The following ADCY9 variants were observed in gnomAD, a reference collection of about 807,000 sequenced individuals.
ADCY9 encodes adenylate cyclase 9, also known as adenylate cyclase type 9.
A neutral mutation model predicts 101.5 loss-of-function variants in ADCY9; 50 were observed. That is an observed-to-expected ratio of 0.49 (90% confidence interval 0.39 to 0.62). The LOEUF (loss-of-function observed/expected upper bound fraction) is 0.62, where lower values mean the gene tolerates loss of function less well. ADCY9 is among the 20% of genes least tolerant of loss of function. The pLI, the probability that ADCY9 is intolerant of heterozygous loss-of-function variation, is 0.00. For synonymous variants in ADCY9, 905 were observed against 769.3 expected, an observed-to-expected ratio of 1.18 and a Z score of -2.92; for missense variants, 1,662 against 1,800.4, an observed-to-expected ratio of 0.92 and a Z score of 1.39.
At chr16:4,098,247 G>T (rs1334663710) in intron 2 of ADCY9, among the ~76,000 whole-genome samples, 2 of 145,756 alleles carry the variant, frequency 1.4e-5, no homozygotes, top group African/African-American at 2.5e-5. Flanking sequence ...TTTGTTTTTG[G>T]TTTTTTTTTT....
chr16:3,999,348 T>G (rs2056314310), intron 3 of ADCY9, among the ~76,000 whole-genome samples: 2 of 152,188 alleles, frequency 1.3e-5, no homozygotes, highest in South Asian at 4.1e-4. Context: ...ATCTGCAGTC[T>G]CGACTGTATG....
downstream of ADCY9, among the ~76,000 whole-genome samples, chr16:3,958,655 A>T (rs1329786971): frequency 1.4e-5 from 2 of 147,252 alleles, no homozygotes; most frequent in Non-Finnish European, 3.0e-5. Context: ...GTTTTCTCTG[A>T]ATCTTTCTCG....
chr16:4,010,514 T>G (rs1251912925), intron 2 of ADCY9, among the ~76,000 whole-genome samples: 9 of 152,212 alleles, frequency 5.9e-5, no homozygotes, highest in Non-Finnish European at 1.3e-4. Flanking sequence ...CACTCTTAAT[T>G]CATCAAACAT....
At chr16:3,955,018 G>A (rs573960057) in intron 5 of ADCY9, among the ~76,000 whole-genome samples, 4 of 152,254 alleles carry the variant, frequency 2.6e-5, no homozygotes, top group South Asian at 2.1e-4. Flanking sequence ...ATGAAGAGAC[G>A]GGGGAACTTG....
intron 2 of ADCY9, among the ~76,000 whole-genome samples, chr16:4,060,515 A>T (rs2056768303): frequency 6.6e-6 from 1 of 152,224 alleles, no homozygotes; most frequent in East Asian, 1.9e-4. Context: ...AACTGTGAAA[A>T]GCATTAGTAG....
Position 3,956,488 on chromosome 16 carries a change from C to CTTTTTTTTT in ADCY9, c.568-2981_568-2973dup, listed in dbSNP as rs1555504577. On this transcript the variant is annotated intron_variant, in intron 5 of 5. Transcript: ENST00000576936. The stretch of plus-strand genomic sequence containing the variant: ...AAGGACAAGACACCAGCGCAATGAG[C>CTTTTTTTTT]TTTTTTTTTTTTTTTGGGGGGGGAT... Among the ~76,000 whole-genome samples the CTTTTTTTTT allele has an allele frequency of 2.3e-4, 16 of 68,790 alleles. 5 individuals are homozygous for CTTTTTTTTT. The highest frequency in any genetic ancestry group is 4.3e-4 in the East Asian group (1 of 2,350). The allele number at this position is 68,790 out of a possible 152,430, so 45.1% of individuals were successfully genotyped here. A position where few individuals can be genotyped will look rare whatever the true frequency, so the allele number is the denominator to read the frequency against.
At chr16:4,002,128 C>A (rs1413711204) in intron 3 of ADCY9, among the ~76,000 whole-genome samples, 1 of 152,168 alleles carries the variant, frequency 6.6e-6, no homozygotes, top group Non-Finnish European at 1.5e-5. Context: ...AAGTATATAA[C>A]TCCAGGGTTT....
chr16:4,093,459 C>T (rs939062822), intron 2 of ADCY9, among the ~76,000 whole-genome samples: 3 of 152,202 alleles, frequency 2.0e-5, no homozygotes, highest in African/African-American at 7.2e-5. Context: ...GGAATCACGC[C>T]TTTCAGGAAA....
In ADCY9 at chr16:4,095,976, CAAAAA is replaced by C. The variant is rs56897380; in HGVS notation, c.1693+17769_1693+17773del. ...TGGGTGACAGAGCAAGACTCTATCT[CAAAAA>C]AAAAAAAAAAAAAAAAATCAAATGG... On this transcript the variant is annotated intron_variant, in intron 2 of 10. Coordinates refer to ENST00000294016, the MANE Select transcript of ADCY9 (RefSeq NM_001116.4). Among the ~76,000 whole-genome samples the C allele has an allele frequency of 7.9e-4, 91 of 115,442 alleles. 1 individual carries two copies. In the East Asian group the frequency reaches 0.012, roughly 15 times the overall value. The allele number at this position is 115,442 out of a possible 152,430, so 75.7% of individuals were successfully genotyped here. A position where few individuals can be genotyped will look rare whatever the true frequency, so the allele number is the denominator to read the frequency against.
chr16:4,047,038 T>C (rs967484027), intron 2 of ADCY9, among the ~76,000 whole-genome samples: 1 of 151,968 alleles, frequency 6.6e-6, no homozygotes, highest in African/African-American at 2.4e-5. Context: ...TACGAAAACA[T>C]ATTCCACAAA....
At chr16:4,105,743 A>C (rs1374499696) in intron 2 of ADCY9, among the ~76,000 whole-genome samples, 1 of 151,430 alleles carries the variant, frequency 6.6e-6, no homozygotes, top group Non-Finnish European at 1.5e-5. Flanking sequence ...GCTACTGAAG[A>C]GGCTGACATG....
chr16:3,981,471 T>A (rs1209096879), intron 7 of ADCY9, among the ~76,000 whole-genome samples: 2 of 152,180 alleles, frequency 1.3e-5, no homozygotes, highest in Non-Finnish European at 2.9e-5. Flanking sequence ...TTTGGGGTGA[T>A]GGAGGTGCCC....
At chr16:4,103,741 G>C (rs1177947531) in intron 2 of ADCY9, among the ~76,000 whole-genome samples, 3 of 152,180 alleles carry the variant, frequency 2.0e-5, no homozygotes, top group Non-Finnish European at 4.4e-5. Flanking sequence ...TGAGGCAGGA[G>C]AATCACTTGA....
At chr16:3,960,097 A>C (rs1388182753), downstream of ADCY9, among the ~76,000 whole-genome samples, 2 of 152,224 alleles carry the variant, frequency 1.3e-5, no homozygotes, top group African/African-American at 4.8e-5. Flanking sequence ...TCAGGTTTCC[A>C]GCGGAGAGTC....
chr16:3,994,529 C>A (rs189261218), intron 3 of ADCY9, among the ~76,000 whole-genome samples: 1 of 152,200 alleles, frequency 6.6e-6, no homozygotes, highest in Non-Finnish European at 1.5e-5. Flanking sequence ...GATCTTGGCT[C>A]ACTGCAACGT....
chr16:4,087,782 C>A (rs2056948781), intron 2 of ADCY9, among the ~76,000 whole-genome samples: 1 of 151,694 alleles, frequency 6.6e-6, no homozygotes, highest in African/African-American at 2.4e-5. Flanking sequence ...ATACTACAGT[C>A]CTGAAGCAAT....
intron 3 of ADCY9, among the ~76,000 whole-genome samples, chr16:3,998,537 C>A (rs909897395): frequency 6.6e-6 from 1 of 151,186 alleles, no homozygotes; most frequent in Non-Finnish European, 1.5e-5. Context: ...GGTGAAAGCC[C>A]GTCTCTACTA....
chr16:4,103,971 C>T (rs1218669462), intron 2 of ADCY9, among the ~76,000 whole-genome samples: 1 of 152,144 alleles, frequency 6.6e-6, no homozygotes, highest in African/African-American at 2.4e-5. Flanking sequence ...ACGCTGCTGC[C>T]CATCAAAGCA....
intron 2 of ADCY9, among the ~76,000 whole-genome samples, chr16:4,009,084 T>C (rs943203255): frequency 1.3e-5 from 2 of 152,158 alleles, no homozygotes; most frequent in African/African-American, 4.8e-5. Context: ...CACCTCCCTC[T>C]CTCCTTGTAA....
Sources: gnomAD v4.1 joint callset for allele counts (sites outside exome capture counted in the v4.1 genomes callset) on GRCh38, gnomAD v4.1.1 for gene constraint, MANE v1.5 for transcripts, NCBI Gene and HGNC (gene_info 2026-07-23, HGNC 2026-07-21) for gene names.